Variants in MACROD2 observed in about 807,000 individuals in gnomAD.
The protein encoded by MACROD2 is mono-ADP ribosylhydrolase 2, also known as ADP-ribose glycohydrolase MACROD2.
A neutral mutation model predicts 70.4 loss-of-function variants in MACROD2; 36 were observed. The ratio of observed to expected loss-of-function variants is 0.51; its 90% CI spans 0.39 to 0.68. The LOEUF (loss-of-function observed/expected upper bound fraction) is 0.68. Among genes scored for constraint, MACROD2 ranks in the 30% least tolerant of loss-of-function variants. The pLI, the probability that MACROD2 is intolerant of heterozygous loss-of-function variation, is 0.00. For synonymous variants in MACROD2, 172 were observed against 178.8 expected (o/e 0.96, Z 0.30); for missense variants, 496 against 538.4 (o/e 0.92, Z 0.78).
At chr20:14,921,130 G>A (rs2423846) in intron 5 of MACROD2, among the ~76,000 whole-genome samples, 78,176 of 152,002 alleles carry the variant, frequency 0.51, 20,527 homozygotes, top group South Asian at 0.71. Context: ...GCTGTGATGT[G>A]TATTACCAGT....
At position 15,067,791 on chromosome 20, in the gene MACROD2, A is replaced by G. The variant is rs552394216; in HGVS notation, c.419-162149A>G. Among the ~76,000 whole-genome samples the G allele has an allele frequency of 5.1e-4, 77 of 152,158 alleles. 1 individual carries two copies. Among genetic ancestry groups the G allele is most frequent in the South Asian group, 8.3e-4 (4 of 4,828 alleles). On this transcript the variant is annotated intron_variant, in intron 5 of 17. Transcript: ENST00000684519. ...GATTGGATGGGGGTGGGGAATGGTTATGTGTGAGAAAATAATGTTTGTTAA... is the reference window on the plus strand; with the variant it reads ...GATTGGATGGGGGTGGGGAATGGTTGTGTGTGAGAAAATAATGTTTGTTAA...
In MACROD2 at chr20:14,270,977, A is replaced by G. The variant is rs576217100; in HGVS notation, c.271+185249A>G. ...ATTGCCCAGGCTTGCTTAGGTAAAC[A>G]AAGCAGCCAGGAAGTTCTAACTGGG... On this transcript the variant is annotated intron_variant, in intron 3 of 17. Coordinates refer to ENST00000684519, the MANE Select transcript of MACROD2 (RefSeq NM_001351661.2). 3.9e-5 allele frequency among the ~76,000 whole-genome samples: 6 copies of G among 152,332 alleles called. No individual in the cohort carries two copies. The South Asian group carries it at 1.2e-3, about 32-fold the overall frequency.
At chr20:14,941,058 C>T (rs1456397544) in intron 5 of MACROD2, among the ~76,000 whole-genome samples, 1 of 152,114 alleles carries the variant, frequency 6.6e-6, no homozygotes, top group Non-Finnish European at 1.5e-5. Flanking sequence ...ATTACAGCTT[C>T]AGTCTCATTA....
At chr20:15,654,615 G>A (rs77399461) in intron 8 of MACROD2, among the ~76,000 whole-genome samples, 2,040 of 152,294 alleles carry the variant, frequency 0.013, 38 homozygotes, top group African/African-American at 0.045. Context: ...ATGGGATGGG[G>A]GAGTGGGGAA....
At chr20:15,351,052 G>T (rs1389433822) in intron 6 of MACROD2, among the ~76,000 whole-genome samples, 5 of 140,816 alleles carry the variant, frequency 3.6e-5, no homozygotes, top group Non-Finnish European at 6.1e-5. Flanking sequence ...ATTATGGAAA[G>T]TGTTAACAGA....
At chr20:15,801,205 C>T (rs1429765466) in intron 8 of MACROD2, among the ~76,000 whole-genome samples, 11 of 110,120 alleles carry the variant, frequency 1.0e-4, no homozygotes, top group East Asian at 2.8e-4. Flanking sequence ...AAAAAAAAAA[C>T]GAAAAACAAA....
intron 3 of MACROD2, among the ~76,000 whole-genome samples, chr20:14,119,578 G>C (rs1344197788): frequency 1.3e-5 from 2 of 152,128 alleles, no homozygotes; most frequent in East Asian, 3.9e-4. Context: ...CAAGAGAATT[G>C]TTACTATTAT....
chr20:14,299,048 C>T (rs867324952), intron 3 of MACROD2, among the ~76,000 whole-genome samples: 8 of 151,880 alleles, frequency 5.3e-5, no homozygotes, highest in African/African-American at 1.7e-4. Context: ...ATAAAACAGT[C>T]GCAGGGTTTG....
intron 15 of MACROD2, among the ~76,000 whole-genome samples, chr20:16,022,202 T>C (rs1391581311): frequency 6.6e-6 from 1 of 151,906 alleles, no homozygotes; most frequent in Non-Finnish European, 1.5e-5. Flanking sequence ...AGGCGCCCAC[T>C]ACCATACCCG....
At chr20:14,932,440 CA>C (rs1025487588) in intron 5 of MACROD2, among the ~76,000 whole-genome samples, 6 of 152,038 alleles carry the variant, frequency 3.9e-5, no homozygotes, top group Non-Finnish European at 8.8e-5. Context: ...TCCTGCATCA[CA>C]AAAAAACCTG....
intron 6 of MACROD2, among the ~76,000 whole-genome samples, chr20:15,263,959 A>G (rs571941667): frequency 1.3e-5 from 2 of 152,236 alleles, no homozygotes; most frequent in African/African-American, 4.8e-5. Flanking sequence ...TTCCAAATAT[A>G]AGATAATATT....
At chr20:15,822,155 T>C (rs1291383821) in intron 8 of MACROD2, among the ~76,000 whole-genome samples, 1 of 152,218 alleles carries the variant, frequency 6.6e-6, no homozygotes, top group Non-Finnish European at 1.5e-5. Context: ...GACATGCAGA[T>C]CTGGTCAATT....
At chr20:15,849,564 A>G (rs1480457968) in intron 8 of MACROD2, among the ~76,000 whole-genome samples, 1 of 152,146 alleles carries the variant, frequency 6.6e-6, no homozygotes, top group Non-Finnish European at 1.5e-5. Flanking sequence ...TCTCCCACTG[A>G]TGGCATCTTT....
chr20:14,639,796 T>A (rs1423290484), intron 4 of MACROD2, among the ~76,000 whole-genome samples: 1 of 152,216 alleles, frequency 6.6e-6, no homozygotes, highest in Non-Finnish European at 1.5e-5. Context: ...TTAAGTATTA[T>A]GAATGACAAA....
chr20:14,461,254 G>A (rs938532037), intron 3 of MACROD2, among the ~76,000 whole-genome samples: 3 of 152,004 alleles, frequency 2.0e-5, no homozygotes, highest in African/African-American at 7.3e-5. Flanking sequence ...TTGTACTTCT[G>A]TGGGATCAGT....
chr20:14,026,619 A>G (rs1396339352), intron 2 of MACROD2, among the ~76,000 whole-genome samples: 3 of 152,192 alleles, frequency 2.0e-5, no homozygotes, highest in Non-Finnish European at 4.4e-5. Flanking sequence ...GTTTGGCTGG[A>G]TATGAAATTC....
intron 5 of MACROD2, among the ~76,000 whole-genome samples, chr20:15,195,940 T>C (rs1568629060): frequency 6.6e-6 from 1 of 152,168 alleles, no homozygotes; most frequent in South Asian, 2.1e-4. Context: ...GGGATATAGA[T>C]GGAGCTGGAA....
chr20:14,051,766 T>C (rs962483812), intron 2 of MACROD2: 1 of 449,670 alleles, frequency 2.2e-6, no homozygotes, highest in Non-Finnish European at 4.5e-6. Flanking sequence ...AATTGATTAG[T>C]ATCAGAATAG....
chr20:15,562,470 A>G (rs771262020), intron 8 of MACROD2, among the ~76,000 whole-genome samples: 15 of 152,198 alleles, frequency 9.9e-5, no homozygotes, highest in Non-Finnish European at 1.6e-4. Flanking sequence ...AAGCATAGAG[A>G]TTCCAAAATA....
Sources: gnomAD v4.1 joint callset for allele counts (sites outside exome capture counted in the v4.1 genomes callset) on GRCh38, gnomAD v4.1.1 for gene constraint, MANE v1.5 for transcripts, NCBI Gene and HGNC (gene_info 2026-07-23, HGNC 2026-07-21) for gene names.